The following INPP4B variants were observed in gnomAD, a reference collection of about 807,000 sequenced individuals.
INPP4B encodes the protein inositol polyphosphate 4-phosphatase type II.
A neutral mutation model predicts 122.5 loss-of-function variants in INPP4B; 55 were observed. The ratio of observed to expected loss-of-function variants is 0.45; its 90% CI spans 0.36 to 0.56. The LOEUF is 0.56. INPP4B is among the 20% of genes least tolerant of loss of function. The pLI, the probability that INPP4B is intolerant of heterozygous loss-of-function variation, is 0.00. For synonymous variants in INPP4B, 403 were observed against 388.7 expected (o/e 1.04, Z -0.43); for missense variants, 1,000 against 1,097.7 (o/e 0.91, Z 1.26).
chr4:142,112,801 C>A, intron 21 of INPP4B, 119 bp from the exon 22 acceptor site: 1 of 835,798 alleles, frequency 1.2e-6, no homozygotes, highest in East Asian at 2.7e-5. Flanking sequence ...GTTTCTGTTG[C>A]TATATGCTTA....
chr4:142,029,450 G>A (rs1387907259), intron 25 of INPP4B: 1 of 986,092 alleles, frequency 1.0e-6, no homozygotes. Flanking sequence ...TATAAAGGAA[G>A]AGTGCTTGTC....
chr4:142,820,532 T>C (rs950010415), intron 1 of INPP4B, among the ~76,000 whole-genome samples: 28 of 152,142 alleles, frequency 1.8e-4, no homozygotes, highest in Non-Finnish European at 4.4e-5. Context: ...ACCTCTTTTA[T>C]TTATAAATTA....
At chr4:142,691,127 C>A (rs1760111751) in intron 2 of INPP4B, among the ~76,000 whole-genome samples, 1 of 152,048 alleles carries the variant, frequency 6.6e-6, no homozygotes, top group Non-Finnish European at 1.5e-5. Flanking sequence ...CATCTCAGCC[C>A]CCCAATGTGT....
At chr4:142,673,834 C>A (rs940941722) in intron 2 of INPP4B, among the ~76,000 whole-genome samples, 5 of 152,102 alleles carry the variant, frequency 3.3e-5, no homozygotes, top group African/African-American at 9.7e-5. Flanking sequence ...CCAGAAAGAG[C>A]TATTCCTAGA....
chr4:142,258,240 C>G (rs1737541037), intron 11 of INPP4B, among the ~76,000 whole-genome samples: 1 of 152,082 alleles, frequency 6.6e-6, no homozygotes, highest in Admixed American at 6.5e-5. Context: ...CACCTAAAAC[C>G]ATAAAAACCC....
chr4:142,738,858 A>T (rs1294969257), intron 1 of INPP4B, among the ~76,000 whole-genome samples: 1 of 152,150 alleles, frequency 6.6e-6, no homozygotes, highest in Non-Finnish European at 1.5e-5. Flanking sequence ...GTGATTTTAT[A>T]CTATCTGCTG....
At chr4:142,824,691 T>A (rs1372281837) in intron 1 of INPP4B, among the ~76,000 whole-genome samples, 1 of 152,098 alleles carries the variant, frequency 6.6e-6, no homozygotes, top group Admixed American at 6.6e-5. Context: ...CCCCATTTCT[T>A]TATTCAGATA....
At position 142,544,117 on chromosome 4, in the gene INPP4B, ATGGTGTGTGTG is replaced by A. The variant is rs1048462285; in HGVS notation, c.-190-81402_-190-81392del. On this transcript the variant is annotated intron_variant, in intron 2 of 25. Transcript: ENST00000262992. ...AGGAAGTATAATGCACAAATACTGC[ATGGTGTGTGTG>A]TGGTGTGTGTGTGTGTGTGTGTGTG... Among the ~76,000 whole-genome samples, 13 of 3,566 alleles carry A rather than the reference ATGGTGTGTGTG, an allele frequency of 3.6e-3. No homozygotes were observed. In the East Asian group the frequency reaches 0.037, roughly 10 times the overall value. The allele number at this position is 3,566 out of a possible 152,430, so 2.3% of individuals were successfully genotyped here. A position where few individuals can be genotyped will look rare whatever the true frequency, so the allele number is the denominator to read the frequency against.
At chr4:142,403,729 T>G (rs1249512616) in intron 6 of INPP4B, among the ~76,000 whole-genome samples, 1 of 152,224 alleles carries the variant, frequency 6.6e-6, no homozygotes, top group Non-Finnish European at 1.5e-5. Flanking sequence ...ATGGAGATGT[T>G]TGCTAGAGTT....
rs2152254918 is a variant in INPP4B at position 142,028,860 on chromosome 4, A to G, written c.2697T>C (p.Ala899=). The G allele has an allele frequency of 1.5e-5, 24 of 1,613,616 alleles. No individual in the cohort carries two copies. Among genetic ancestry groups the G allele is most frequent in the Non-Finnish European group, 1.9e-5 (22 of 1,179,690 alleles). The change falls in exon 26 of 26, where the codon GCT becomes GCC. Residue 899 remains alanine (A), a synonymous_variant. Coordinates refer to ENST00000262992, the MANE Select transcript of INPP4B (RefSeq NM_001101669.3). ...VLKNIKCRKY[A]FNMLQLMAFP... ...AAGCCATCAGCTGTAGCATGTTGAA[A>G]GCATACTTTCTGCATTTGATATTCT...
chr4:142,034,706 T>C (rs1438514233), intron 25 of INPP4B, among the ~76,000 whole-genome samples: 1 of 152,086 alleles, frequency 6.6e-6, no homozygotes, highest in Non-Finnish European at 1.5e-5. Context: ...GGAAACCATA[T>C]ATTTGTTTTA....
At chr4:142,545,911 A>T (rs752122077) in intron 2 of INPP4B, among the ~76,000 whole-genome samples, 4 of 151,508 alleles carry the variant, frequency 2.6e-5, no homozygotes, top group Non-Finnish European at 5.9e-5. Flanking sequence ...TCTTTCAAGA[A>T]TCAGTTTCTT....
intron 2 of INPP4B, among the ~76,000 whole-genome samples, chr4:142,571,851 G>C (rs1732900641): frequency 6.6e-6 from 1 of 151,912 alleles, no homozygotes; most frequent in South Asian, 2.1e-4. Flanking sequence ...ATTTTTGAAG[G>C]CTATATTGTT....
intron 2 of INPP4B, among the ~76,000 whole-genome samples, chr4:142,530,608 C>T (rs1827491489): frequency 6.7e-6 from 1 of 149,998 alleles, no homozygotes; most frequent in African/African-American, 2.5e-5. Flanking sequence ...CATACATACA[C>T]ATAAGGAAGA....
intron 2 of INPP4B, among the ~76,000 whole-genome samples, chr4:142,597,348 C>T (rs1289453269): frequency 2.0e-5 from 3 of 152,166 alleles, no homozygotes; most frequent in Non-Finnish European, 1.5e-5. Context: ...AACGGTGACA[C>T]CAGTTACTGG....
intron 2 of INPP4B, among the ~76,000 whole-genome samples, chr4:142,579,886 GATAGA>G (rs1560824496): frequency 0.015 from 1,935 of 131,864 alleles, 14 homozygotes; most frequent in Middle Eastern, 0.023. Context: ...TAGGTAGATA[GATAGA>G]TAGATAGATA....
chr4:142,141,193 T>A (rs1485765972), intron 18 of INPP4B, among the ~76,000 whole-genome samples: 2 of 152,146 alleles, frequency 1.3e-5, no homozygotes, highest in African/African-American at 4.8e-5. Flanking sequence ...AAAGAAAACA[T>A]ATTAGGATCA....
At chr4:142,692,438 T>C (rs1048300606) in intron 2 of INPP4B, among the ~76,000 whole-genome samples, 1 of 152,206 alleles carries the variant, frequency 6.6e-6, no homozygotes, top group African/African-American at 2.4e-5. Context: ...GGGTGGCTCA[T>C]GCCTGTAACC....
chr4:142,620,382 C>A (rs1744633023), intron 2 of INPP4B, among the ~76,000 whole-genome samples: 2 of 151,880 alleles, frequency 1.3e-5, no homozygotes, highest in South Asian at 4.1e-4. Context: ...AAGCCATTAT[C>A]CTAAGTGAAT....
Sources: gnomAD v4.1 joint callset for allele counts (sites outside exome capture counted in the v4.1 genomes callset) on GRCh38, gnomAD v4.1.1 for gene constraint, MANE v1.5 for transcripts, NCBI Gene and HGNC (gene_info 2026-07-23, HGNC 2026-07-21) for gene names.